Variants in PTPRG observed in about 807,000 individuals in gnomAD.
PTPRG encodes the protein receptor-type tyrosine-protein phosphatase gamma.
In PTPRG, 102 loss-of-function variants were observed where a neutral mutation model predicts 165.3. That is an observed-to-expected ratio of 0.62 (90% CI 0.53 to 0.73). The LOEUF (loss-of-function observed/expected upper bound fraction) is 0.73. PTPRG is among the 30% of genes least tolerant of loss of function. The probability of loss-of-function intolerance (pLI) is 0.00; values close to 1 mark genes in which losing one functional copy is unlikely to be tolerated. For synonymous variants in PTPRG, 675 were observed against 669.5 expected (o/e 1.01, Z -0.13); for missense variants, 1,866 against 1,861.4 (o/e 1.00, Z -0.05).
chr3:61,640,044 A>G (rs543687146), intron 1 of PTPRG, among the ~76,000 whole-genome samples: 9 of 152,296 alleles, frequency 5.9e-5, no homozygotes, highest in African/African-American at 1.9e-4. Context: ...CTTTGAAAGC[A>G]TTACAGACAC....
intron 3 of PTPRG, among the ~76,000 whole-genome samples, chr3:61,992,985 C>T (rs147156714): frequency 2.0e-5 from 3 of 151,942 alleles, no homozygotes; most frequent in South Asian, 2.1e-4. Context: ...GATCTTAACA[C>T]GCCACATTAG....
intron 2 of PTPRG, among the ~76,000 whole-genome samples, chr3:61,910,428 G>T (rs772549825): frequency 6.6e-6 from 1 of 152,084 alleles, no homozygotes; most frequent in Non-Finnish European, 1.5e-5. Context: ...CAACCCAGTG[G>T]GTATGAAATG....
chr3:62,197,407 C>G (rs1445314255), intron 10 of PTPRG, among the ~76,000 whole-genome samples: 2 of 152,160 alleles, frequency 1.3e-5, no homozygotes, highest in African/African-American at 4.8e-5. Context: ...TTTAAATATT[C>G]TTTGCTAATG....
At chr3:61,802,786 G>A (rs1050119108) in intron 2 of PTPRG, among the ~76,000 whole-genome samples, 2 of 151,962 alleles carry the variant, frequency 1.3e-5, no homozygotes, top group Admixed American at 6.6e-5. Flanking sequence ...TTATGAGAAG[G>A]CCAGTTAGAT....
At chr3:62,165,218 A>AT (rs990774600) in intron 7 of PTPRG, among the ~76,000 whole-genome samples, 24 of 152,006 alleles carry the variant, frequency 1.6e-4, no homozygotes, top group African/African-American at 5.5e-4. Flanking sequence ...TCCTCACAGG[A>AT]TTTTTTCTCC....
chr3:61,841,535 C>T (rs1337871694), intron 2 of PTPRG, among the ~76,000 whole-genome samples: 1 of 152,176 alleles, frequency 6.6e-6, no homozygotes, highest in Non-Finnish European at 1.5e-5. Flanking sequence ...GAATCCGTTT[C>T]ACTGTCAGGT....
chr3:62,003,545 T>C, intron 4 of PTPRG, 48 bp downstream of exon 4: 1 of 1,603,116 alleles, frequency 6.2e-7, no homozygotes, highest in Non-Finnish European at 8.5e-7. Context: ...TCGGTCTTTA[T>C]GTTAATCAGA....
At chr3:62,096,980 T>C (rs886555) in intron 5 of PTPRG, among the ~76,000 whole-genome samples, 97,450 of 151,998 alleles carry the variant, frequency 0.64, 31,460 homozygotes, top group Middle Eastern at 0.72. Context: ...ATCTTAGAAA[T>C]ATGAAGCAAA....
At chr3:61,939,449 A>G (rs900800568) in intron 2 of PTPRG, among the ~76,000 whole-genome samples, 2 of 152,224 alleles carry the variant, frequency 1.3e-5, no homozygotes, top group African/African-American at 2.4e-5. Context: ...GTGAAGATAG[A>G]TTGCTAAATC....
chr3:61,893,650 G>C (rs925862285), intron 2 of PTPRG, among the ~76,000 whole-genome samples: 12 of 152,176 alleles, frequency 7.9e-5, no homozygotes, highest in African/African-American at 2.7e-4. Flanking sequence ...GAGTCTTTAT[G>C]TGAAACATTT....
chr3:61,971,389 AG>A (rs2040379868), intron 2 of PTPRG, among the ~76,000 whole-genome samples: 1 of 152,334 alleles, frequency 6.6e-6, no homozygotes, highest in Admixed American at 6.5e-5. Context: ...AAGATATTCC[AG>A]GAAGAAAATC....
intron 8 of PTPRG, among the ~76,000 whole-genome samples, chr3:62,187,372 G>C: frequency 6.6e-6 from 1 of 152,284 alleles, no homozygotes; most frequent in East Asian, 1.9e-4. Context: ...ACTGATCCAC[G>C]GGCCGAAACT....
At chr3:61,911,365 G>A (rs2038800037) in intron 2 of PTPRG, among the ~76,000 whole-genome samples, 2 of 152,114 alleles carry the variant, frequency 1.3e-5, no homozygotes, top group South Asian at 4.2e-4. Context: ...TAAAAGAGTA[G>A]GCAAATTAAA....
At chr3:61,765,196 A>C (rs2106988993) in intron 2 of PTPRG, among the ~76,000 whole-genome samples, 1 of 152,354 alleles carries the variant, frequency 6.6e-6, no homozygotes, top group African/African-American at 2.4e-5. Flanking sequence ...CATGGTGTTC[A>C]ATCATCTTTG....
chr3:61,894,876 G>A (rs2107507855), intron 2 of PTPRG, among the ~76,000 whole-genome samples: 1 of 151,826 alleles, frequency 6.6e-6, no homozygotes, highest in South Asian at 2.1e-4. Context: ...CGATCCTTTT[G>A]TTAAATGCAA....
chr3:62,060,522 T>C (rs904023373), intron 4 of PTPRG, among the ~76,000 whole-genome samples: 23 of 152,234 alleles, frequency 1.5e-4, no homozygotes, highest in African/African-American at 4.6e-4. Context: ...TGAGACTTCA[T>C]TGAGATCACT....
intron 2 of PTPRG, among the ~76,000 whole-genome samples, chr3:61,851,728 T>C (rs1277321427): frequency 6.6e-6 from 1 of 152,166 alleles, no homozygotes. Flanking sequence ...TCTTGATGGG[T>C]TTGTTGTTAC....
At chr3:61,705,695 G>C (rs2031212655) in intron 1 of PTPRG, among the ~76,000 whole-genome samples, 1 of 152,084 alleles carries the variant, frequency 6.6e-6, no homozygotes, top group Non-Finnish European at 1.5e-5. Context: ...TCATAGGCTG[G>C]TCCATTTGTT....
chr3:61,671,215 T>C (rs1702974324), intron 1 of PTPRG, among the ~76,000 whole-genome samples: 1 of 147,770 alleles, frequency 6.8e-6, no homozygotes, highest in Non-Finnish European at 1.5e-5. Context: ...CACAGGACAA[T>C]AGTGGAGGGA....
Sources: gnomAD v4.1 joint callset for allele counts (sites outside exome capture counted in the v4.1 genomes callset) on GRCh38, gnomAD v4.1.1 for gene constraint, MANE v1.5 for transcripts, NCBI Gene and HGNC (gene_info 2026-07-23, HGNC 2026-07-21) for gene names.